Variants in SNX29 observed in about 807,000 individuals in gnomAD.
SNX29 encodes sorting nexin 29, also known as sorting nexin-29.
Under a neutral mutation model 102.1 loss-of-function variants are expected in SNX29, and 78 were observed. The ratio of observed to expected loss-of-function variants is 0.76; its 90% CI spans 0.64 to 0.92. The LOEUF (loss-of-function observed/expected upper bound fraction) is 0.92. SNX29 is among the 40% of genes least tolerant of loss of function. The pLI, the probability that SNX29 is intolerant of heterozygous loss-of-function variation, is 0.00. For missense variants in SNX29, 1,280 were observed against 1,061.7 expected (o/e 1.21, Z -2.86); for synonymous variants, 580 against 414.5 (o/e 1.40, Z -4.85).
chr16:12,087,721 T>C (rs1281906773), intron 11 of SNX29: 3 of 397,318 alleles, frequency 7.6e-6, no homozygotes, highest in African/African-American at 6.2e-5. Flanking sequence ...ACTGGTCCAT[T>C]GTACAGATGA....
intron 15 of SNX29, among the ~76,000 whole-genome samples, chr16:12,327,821 C>G (rs936214500): frequency 6.6e-6 from 1 of 152,120 alleles, no homozygotes; most frequent in African/African-American, 2.4e-5. Context: ...CTGTTGAGGT[C>G]ACTCCCATGA....
At chr16:12,204,837 C>A (rs2077005466) in intron 14 of SNX29, among the ~76,000 whole-genome samples, 1 of 152,172 alleles carries the variant, frequency 6.6e-6, no homozygotes, top group African/African-American at 2.4e-5. Context: ...TGTCAGTTTC[C>A]CTGGGGTGAG....
intron 20 of SNX29, among the ~76,000 whole-genome samples, chr16:12,535,621 C>T (rs573327042): frequency 1.3e-5 from 2 of 152,168 alleles, no homozygotes; most frequent in Non-Finnish European, 2.9e-5. Context: ...CTGTCAGTCA[C>T]ACCAACATGA....
intron 11 of SNX29, among the ~76,000 whole-genome samples, chr16:12,113,267 A>T (rs1480193958): frequency 6.6e-6 from 1 of 152,182 alleles, no homozygotes; most frequent in Non-Finnish European, 1.5e-5. Flanking sequence ...AGGTGCCGTC[A>T]TGCCCATTTC....
chr16:12,292,331 G>C (rs549506755), intron 15 of SNX29, among the ~76,000 whole-genome samples: 24 of 152,312 alleles, frequency 1.6e-4, no homozygotes, highest in Middle Eastern at 6.8e-3. Context: ...TTAGGTTTCA[G>C]ATGCTACAAT....
intron 15 of SNX29, among the ~76,000 whole-genome samples, chr16:12,283,919 A>G (rs2079512867): frequency 6.6e-6 from 1 of 152,212 alleles, no homozygotes; most frequent in African/African-American, 2.4e-5. Context: ...GTTAGTGGTG[A>G]TGCTCAGAAT....
At chr16:12,506,726 T>C (rs1194673857) in intron 19 of SNX29, among the ~76,000 whole-genome samples, 1 of 152,144 alleles carries the variant, frequency 6.6e-6, no homozygotes, top group African/African-American at 2.4e-5. Context: ...CTTGAGAACA[T>C]CAACTATGGT....
chr16:12,057,257 A>C (rs940676698), intron 8 of SNX29, among the ~76,000 whole-genome samples: 3 of 152,236 alleles, frequency 2.0e-5, no homozygotes, highest in Admixed American at 1.3e-4. Flanking sequence ...ATGCAAAGTG[A>C]AACAAGACTC....
At chr16:12,222,477 T>C (rs562828690) in intron 14 of SNX29, among the ~76,000 whole-genome samples, 3 of 152,328 alleles carry the variant, frequency 2.0e-5, no homozygotes, top group South Asian at 2.1e-4. Flanking sequence ...GGACATTCAG[T>C]TGGGGCAGCT....
intron 14 of SNX29, among the ~76,000 whole-genome samples, chr16:12,230,060 C>T (rs974713820): frequency 6.6e-6 from 1 of 151,304 alleles, no homozygotes; most frequent in Non-Finnish European, 1.5e-5. Context: ...GGCTGTATGC[C>T]AATAAAACTT....
At chr16:12,045,946 C>T (rs1305352937) in intron 5 of SNX29, among the ~76,000 whole-genome samples, 2 of 151,852 alleles carry the variant, frequency 1.3e-5, no homozygotes, top group Admixed American at 6.6e-5. Context: ...ATATTAAATG[C>T]CCTGGTTGAT....
chr16:11,989,169 C>T (rs888863277), intron 1 of SNX29, among the ~76,000 whole-genome samples: 3 of 152,150 alleles, frequency 2.0e-5, no homozygotes, highest in African/African-American at 7.2e-5. Context: ...AACGGGGTTT[C>T]ACCATGTTGT....
At chr16:12,048,045 C>T (rs1409765659) in intron 6 of SNX29, among the ~76,000 whole-genome samples, 1 of 152,068 alleles carries the variant, frequency 6.6e-6, no homozygotes, top group African/African-American at 2.4e-5. Flanking sequence ...TACCTCCTCC[C>T]AGTTGACCTC....
At chr16:12,089,769 T>C (rs975146321) in intron 11 of SNX29, 12 of 326,086 alleles carry the variant, frequency 3.7e-5, no homozygotes, top group Non-Finnish European at 5.9e-5. Context: ...ATTTACTCAC[T>C]TCCTCTTGCG....
At chr16:12,537,618 G>T (rs764326115) in intron 20 of SNX29, among the ~76,000 whole-genome samples, 2 of 152,182 alleles carry the variant, frequency 1.3e-5, no homozygotes, top group Admixed American at 6.5e-5. Context: ...GTCCCAAAAT[G>T]ATTGAGTTGG....
chr16:12,535,716 G>A (rs2077057024), intron 20 of SNX29, among the ~76,000 whole-genome samples: 1 of 152,168 alleles, frequency 6.6e-6, no homozygotes, highest in Non-Finnish European at 1.5e-5. Flanking sequence ...TGTGCCCCTT[G>A]TAAACAAAGC....
intron 19 of SNX29, among the ~76,000 whole-genome samples, chr16:12,480,003 T>C (rs1005901738): frequency 2.0e-5 from 3 of 152,132 alleles, no homozygotes; most frequent in African/African-American, 7.2e-5. Flanking sequence ...AAATGACATA[T>C]TGTGTTATGA....
At chr16:12,557,120 A>AGG (rs2078417918) in intron 20 of SNX29, among the ~76,000 whole-genome samples, 1 of 151,274 alleles carries the variant, frequency 6.6e-6, no homozygotes, top group East Asian at 2.0e-4. Flanking sequence ...AAGTGCTGAG[A>AGG]TTAGACACAG....
intron 11 of SNX29, among the ~76,000 whole-genome samples, chr16:12,118,336 T>TTTTTTTTTTTTTTA (rs1555464077): frequency 6.9e-6 from 1 of 145,358 alleles, no homozygotes; most frequent in African/African-American, 2.6e-5. Context: ...TTTTTTTTTT[T>TTTTTTTTTTTTTTA]ATGAGATGGA....
Sources: gnomAD v4.1 joint callset for allele counts (sites outside exome capture counted in the v4.1 genomes callset) on GRCh38, gnomAD v4.1.1 for gene constraint, MANE v1.5 for transcripts, NCBI Gene and HGNC (gene_info 2026-07-23, HGNC 2026-07-21) for gene names.